The following SGCZ variants were observed in gnomAD, a reference collection of about 807,000 sequenced individuals.
The protein encoded by SGCZ is zeta-sarcoglycan.
SGCZ carries 40 observed loss-of-function variants against 41.3 expected under a neutral mutation model. The ratio of observed to expected loss-of-function variants is 0.97; its 90% CI spans 0.75 to 1.26. SGCZ has a LOEUF of 1.26. Ranked by LOEUF, SGCZ falls within the 50% of genes most tolerant of loss-of-function variation. The probability of loss-of-function intolerance (pLI) is 0.00; values close to 1 mark genes in which losing one functional copy is unlikely to be tolerated. For missense variants in SGCZ, 552 were observed against 369.8 expected (o/e 1.49, Z -4.04); for synonymous variants, 206 against 137.5 (o/e 1.50, Z -3.49).
At chr8:15,100,616 G>A (rs1806571170) in intron 1 of SGCZ, among the ~76,000 whole-genome samples, 1 of 152,054 alleles carries the variant, frequency 6.6e-6, no homozygotes, top group African/African-American at 2.4e-5. Context: ...TATTTGAAAA[G>A]GTAAAAGACT....
At chr8:14,919,838 A>C (rs1799539958) in intron 1 of SGCZ, among the ~76,000 whole-genome samples, 1 of 152,086 alleles carries the variant, frequency 6.6e-6, no homozygotes, top group South Asian at 2.1e-4. Flanking sequence ...GAATCACTTG[A>C]GCCCAGGAGG....
At chr8:14,134,023 C>T (rs1803120851) in intron 5 of SGCZ, among the ~76,000 whole-genome samples, 1 of 152,146 alleles carries the variant, frequency 6.6e-6, no homozygotes, top group African/African-American at 2.4e-5. Context: ...GAATATGCAT[C>T]AGAATATGAT....
chr8:14,971,395 C>T (rs1318692636), intron 1 of SGCZ, among the ~76,000 whole-genome samples: 1 of 152,032 alleles, frequency 6.6e-6, no homozygotes, highest in Non-Finnish European at 1.5e-5. Flanking sequence ...AAGTATGATG[C>T]TAGCTGAAGT....
intron 1 of SGCZ, among the ~76,000 whole-genome samples, chr8:14,836,949 C>T (rs562484200): frequency 6.6e-6 from 1 of 152,262 alleles, no homozygotes; most frequent in East Asian, 1.9e-4. Context: ...ATTAGAATAT[C>T]ATTCTGTATT....
intron 1 of SGCZ, among the ~76,000 whole-genome samples, chr8:15,015,896 C>T (rs1803014288): frequency 6.6e-6 from 1 of 151,860 alleles, no homozygotes; most frequent in South Asian, 2.1e-4. Flanking sequence ...TTTTCTGCTG[C>T]TTCTGTTGCT....
At position 14,394,208 on chromosome 8, in the gene SGCZ, T is replaced by G. The variant is rs369887494; in HGVS notation, c.235-70004A>C. 4.8e-5 allele frequency among the ~76,000 whole-genome samples: 7 copies of G among 144,712 alleles called. No homozygotes were observed. In the East Asian group the frequency reaches 1.6e-3, roughly 32 times the overall value. 94.9% of individuals were successfully genotyped at this position (144,712 alleles called of 152,430 possible). A position where few individuals can be genotyped will look rare whatever the true frequency, so the allele number is the denominator to read the frequency against. On this transcript the variant is annotated intron_variant, in intron 2 of 7. Transcript: ENST00000382080. ...CTCTGTTGCCCAGGCTGGAGTGCAG[T>G]GGCATGATCTCGGCTCACTGCAACC...
Position 14,280,801 on chromosome 8 carries a change from GTTTT to G in SGCZ, c.337-43126_337-43123del, listed in dbSNP as rs34134846. Among the ~76,000 whole-genome samples, 497 of 147,818 alleles carry G rather than the reference GTTTT, an allele frequency of 3.4e-3. 3 individuals carry two copies. The highest frequency in any genetic ancestry group is 0.011 in the African/African-American group (432 of 40,474). On this transcript the variant is annotated intron_variant, in intron 3 of 7. Coordinates refer to ENST00000382080, the MANE Select transcript of SGCZ (RefSeq NM_139167.4). ...TTCTTCAGTGCTTTTAAACTATAGG[GTTTT>G]TTTTTTTTTTAATGGACTTATATGA...
intron 1 of SGCZ, among the ~76,000 whole-genome samples, chr8:15,009,746 T>C (rs1802761617): frequency 6.6e-6 from 1 of 152,210 alleles, no homozygotes; most frequent in Non-Finnish European, 1.5e-5. Flanking sequence ...CATATCTATA[T>C]GAGACCTATG....
intron 5 of SGCZ, among the ~76,000 whole-genome samples, chr8:14,160,344 T>C (rs775818542): frequency 6.6e-5 from 10 of 152,212 alleles, no homozygotes; most frequent in Non-Finnish European, 1.0e-4. Context: ...TTGCAGTTGA[T>C]TGATTCTGCC....
intron 1 of SGCZ, among the ~76,000 whole-genome samples, chr8:15,016,403 G>A (rs1803034014): frequency 6.6e-6 from 1 of 152,196 alleles, no homozygotes; most frequent in African/African-American, 2.4e-5. Flanking sequence ...GTAGGTGGAT[G>A]GGTGGGGAGG....
At chr8:14,959,265 G>A (rs1800888495) in intron 1 of SGCZ, among the ~76,000 whole-genome samples, 1 of 152,110 alleles carries the variant, frequency 6.6e-6, no homozygotes, top group Admixed American at 6.6e-5. Context: ...TGATACAATG[G>A]AGATGGAAAT....
At chr8:14,583,826 C>A (rs1479303576) in intron 1 of SGCZ, among the ~76,000 whole-genome samples, 6 of 150,888 alleles carry the variant, frequency 4.0e-5, no homozygotes, top group Non-Finnish European at 5.9e-5. Flanking sequence ...TATGGCAAAA[C>A]ATATATATAT....
intron 1 of SGCZ, among the ~76,000 whole-genome samples, chr8:14,751,133 A>T (rs1799487640): frequency 6.6e-6 from 1 of 152,190 alleles, no homozygotes; most frequent in Admixed American, 6.6e-5. Flanking sequence ...TTTTAAGTAT[A>T]TGCATTTTCA....
At chr8:14,594,036 G>A (rs879655455) in intron 1 of SGCZ, among the ~76,000 whole-genome samples, 46 of 151,876 alleles carry the variant, frequency 3.0e-4, no homozygotes, top group Non-Finnish European at 5.6e-4. Flanking sequence ...TTAGCCAGGC[G>A]TGGTGGCACA....
intron 1 of SGCZ, among the ~76,000 whole-genome samples, chr8:14,982,014 G>A (rs2130881125): frequency 6.6e-6 from 1 of 152,094 alleles, no homozygotes; most frequent in South Asian, 2.1e-4. Flanking sequence ...GCCAGGCGTG[G>A]TGGCTCATGC....
rs144874691 is a variant in SGCZ at position 14,736,196 on chromosome 8, G to C, written c.40-181270C>G. Among the ~76,000 whole-genome samples the C allele has an allele frequency of 3.7e-3, 567 of 152,152 alleles. 6 individuals carry two copies. Among genetic ancestry groups the C allele is most frequent in the African/African-American group, 0.013 (541 of 41,508 alleles). ...GAATATATGAGCCATGTTTTGTAGA[G>C]GTTCATACAGTAAACCACCTTTTGT... On this transcript the variant is annotated intron_variant, in intron 1 of 7. Coordinates refer to ENST00000382080, the MANE Select transcript of SGCZ (RefSeq NM_139167.4).
intron 5 of SGCZ, among the ~76,000 whole-genome samples, chr8:14,143,118 C>A (rs1367598956): frequency 6.6e-6 from 1 of 151,542 alleles, no homozygotes; most frequent in Non-Finnish European, 1.5e-5. Flanking sequence ...AACGCCAATT[C>A]AAATAATAAA....
At chr8:14,735,112 T>A (rs1457057193) in intron 1 of SGCZ, among the ~76,000 whole-genome samples, 1 of 152,144 alleles carries the variant, frequency 6.6e-6, no homozygotes, top group African/African-American at 2.4e-5. Flanking sequence ...CGGTAGCACA[T>A]AAAATTTTGA....
At chr8:14,183,938 T>A (rs187088806) in intron 4 of SGCZ, among the ~76,000 whole-genome samples, 45 of 152,106 alleles carry the variant, frequency 3.0e-4, no homozygotes, top group African/African-American at 9.6e-4. Context: ...TTCCAAAGAA[T>A]CCACAAAGAA....
Sources: gnomAD v4.1 joint callset for allele counts (sites outside exome capture counted in the v4.1 genomes callset) on GRCh38, gnomAD v4.1.1 for gene constraint, MANE v1.5 for transcripts, NCBI Gene and HGNC (gene_info 2026-07-23, HGNC 2026-07-21) for gene names.